Variants in NMNAT3 observed in about 807,000 individuals in gnomAD.
NMNAT3 encodes nicotinamide nucleotide adenylyltransferase 3.
A neutral mutation model predicts 24.8 loss-of-function variants in NMNAT3; 21 were observed. The ratio of observed to expected loss-of-function variants is 0.85; its 90% CI spans 0.60 to 1.22. NMNAT3 has a LOEUF of 1.22. Ranked by LOEUF, NMNAT3 falls within the 50% of genes most tolerant of loss-of-function variation. The probability of loss-of-function intolerance (pLI) is 0.00; values close to 1 mark genes in which losing one functional copy is unlikely to be tolerated. For synonymous variants in NMNAT3, 136 were observed against 155.2 expected (o/e 0.88, Z 0.92); for missense variants, 387 against 436.6 (o/e 0.89, Z 1.01).
chr3:139,625,951 T>C (rs2056031376), intron 3 of NMNAT3, among the ~76,000 whole-genome samples: 1 of 152,192 alleles, frequency 6.6e-6, no homozygotes, highest in South Asian at 2.1e-4. Context: ...CAGTATTTTC[T>C]TTCAGTTCTC....
At chr3:139,608,418 C>T (rs1038496512) in intron 3 of NMNAT3, among the ~76,000 whole-genome samples, 1 of 152,186 alleles carries the variant, frequency 6.6e-6, no homozygotes, top group African/African-American at 2.4e-5. Flanking sequence ...TTACTTCACA[C>T]AACTGTTTTG....
At chr3:139,574,549 C>G (rs1180399867) in intron 5 of NMNAT3, among the ~76,000 whole-genome samples, 2 of 152,192 alleles carry the variant, frequency 1.3e-5, no homozygotes, top group Non-Finnish European at 2.9e-5. Flanking sequence ...CTTCTTGTAT[C>G]AATTTGATCT....
chr3:139,642,364 C>T (rs542023403), intron 1 of NMNAT3, among the ~76,000 whole-genome samples: 2 of 152,200 alleles, frequency 1.3e-5, no homozygotes, highest in African/African-American at 4.8e-5. Flanking sequence ...AAATGTGATC[C>T]TAGTGTGCAA....
chr3:139,665,725 G>GGAGA (rs10547665), intron 1 of NMNAT3, among the ~76,000 whole-genome samples: 4,362 of 139,562 alleles, frequency 0.031, 77 homozygotes, highest in East Asian at 0.043. Context: ...ATTTGTAACA[G>GGAGA]GAGAGAGAGA....
At chr3:139,566,595 C>G (rs1424079525) in intron 6 of NMNAT3, 1 of 152,040 alleles carries the variant, frequency 6.6e-6, no homozygotes, top group African/African-American at 2.4e-5. Flanking sequence ...AGCCAGTTTT[C>G]CCAGCACCAT....
intron 1 of NMNAT3, among the ~76,000 whole-genome samples, chr3:139,639,218 C>G (rs1414439238): frequency 1.3e-5 from 2 of 152,170 alleles, no homozygotes; most frequent in African/African-American, 4.8e-5. Flanking sequence ...ATCCTACACT[C>G]CAAGCATAGG....
In NMNAT3 at chr3:139,608,273, G is replaced by A. The variant is rs975491782; in HGVS notation, c.109+19343C>T. ...ACAGCATGGCCTGCTCAGAAGGGGC[G>A]CCCTAGTTGCCAAGGATGAGGGCAC... is the stretch of plus-strand genomic sequence containing the variant. On this transcript the variant is annotated intron_variant, in intron 3 of 6. Transcript: ENST00000643695. Among the ~76,000 whole-genome samples, 5 of 152,312 alleles carry A rather than the reference G, an allele frequency of 3.3e-5. No individual in the cohort carries two copies. The East Asian group carries it at 5.8e-4, about 18-fold the overall frequency.
At chr3:139,641,921 G>T (rs566028955) in intron 1 of NMNAT3, among the ~76,000 whole-genome samples, 4 of 152,248 alleles carry the variant, frequency 2.6e-5, no homozygotes, top group Admixed American at 6.5e-5. Context: ...ACCTACCATG[G>T]AAGTCTCAAG....
chr3:139,591,109 T>C (rs888996633), intron 3 of NMNAT3, among the ~76,000 whole-genome samples: 8 of 150,998 alleles, frequency 5.3e-5, no homozygotes, highest in South Asian at 2.1e-4. Context: ...CCAGTGTGTG[T>C]GCGCACCGTG....
At chr3:139,583,774 A>T (rs1017655274) in intron 3 of NMNAT3, among the ~76,000 whole-genome samples, 9 of 152,274 alleles carry the variant, frequency 5.9e-5, no homozygotes, top group Non-Finnish European at 8.8e-5. Context: ...GCTATTTCTA[A>T]AACACATATC....
chr3:139,665,068 C>T (rs1457230966), intron 1 of NMNAT3, among the ~76,000 whole-genome samples: 1 of 152,156 alleles, frequency 6.6e-6, no homozygotes, highest in Non-Finnish European at 1.5e-5. Context: ...CCACAATAAA[C>T]TCCTGCTGGT....
At chr3:139,649,088 G>A (rs1436836177) in intron 1 of NMNAT3, among the ~76,000 whole-genome samples, 4 of 152,118 alleles carry the variant, frequency 2.6e-5, no homozygotes, top group Non-Finnish European at 5.9e-5. Context: ...TTATACTAAT[G>A]CACTTTTTCC....
intron 3 of NMNAT3, among the ~76,000 whole-genome samples, chr3:139,600,103 C>T (rs1286749346): frequency 1.3e-5 from 2 of 152,194 alleles, no homozygotes. Context: ...TTTCAATCAG[C>T]AAACTCTTCC....
chr3:139,579,432 C>A (rs556433520), intron 4 of NMNAT3, among the ~76,000 whole-genome samples: 1 of 152,232 alleles, frequency 6.6e-6, no homozygotes, highest in South Asian at 2.1e-4. Flanking sequence ...ACTATTTTTG[C>A]CCTCTATGTG....
intron 1 of NMNAT3, among the ~76,000 whole-genome samples, chr3:139,649,991 T>C (rs2057003132): frequency 6.6e-6 from 1 of 152,200 alleles, no homozygotes. Flanking sequence ...ATGTGATTTC[T>C]GGACAACAAG....
intron 3 of NMNAT3, among the ~76,000 whole-genome samples, 167 bp downstream of exon 4, chr3:139,627,449 C>T (rs1437211893): frequency 2.0e-5 from 3 of 152,076 alleles, no homozygotes; most frequent in Non-Finnish European, 4.4e-5. Context: ...GTACATATGT[C>T]ACAAGACTAT....
intron 2 of NMNAT3, chr3:139,635,938 A>C (rs904506170): frequency 6.6e-6 from 1 of 151,770 alleles, no homozygotes; most frequent in Non-Finnish European, 1.5e-5. Context: ...CCTCTCCTCT[A>C]CTCTTGCTAC....
intron 3 of NMNAT3, chr3:139,599,164 T>C (rs367603587): frequency 7.2e-5 from 42 of 579,804 alleles, no homozygotes; most frequent in East Asian, 6.5e-4. Context: ...GGCACACTTA[T>C]CAGCATTTTA....
intron 3 of NMNAT3, among the ~76,000 whole-genome samples, chr3:139,620,972 A>C (rs1553752594): frequency 6.6e-6 from 1 of 151,864 alleles, no homozygotes. Flanking sequence ...TTTTTTTCCA[A>C]TTTTTGTAGA....
Sources: gnomAD v4.1 joint callset for allele counts (sites outside exome capture counted in the v4.1 genomes callset) on GRCh38, gnomAD v4.1.1 for gene constraint, MANE v1.5 for transcripts, NCBI Gene and HGNC (gene_info 2026-07-23, HGNC 2026-07-21) for gene names.